PDE1C: variants seen among roughly 807,000 people sequenced by gnomAD.
PDE1C encodes the protein phosphodiesterase 1C, also known as dual specificity calcium/calmodulin-dependent 3',5'-cyclic nucleotide phosphodiesterase 1C.
Under a neutral mutation model 93.1 loss-of-function variants are expected in PDE1C, and 62 were observed. The ratio of observed to expected loss-of-function variants is 0.67; its 90% confidence interval spans 0.54 to 0.82. PDE1C has a LOEUF of 0.82. PDE1C is among the 40% of genes least tolerant of loss of function. The pLI, the probability that PDE1C is intolerant of heterozygous loss-of-function variation, is 0.00. For synonymous variants in PDE1C, 325 were observed against 310.1 expected (o/e 1.05, Z -0.50); for missense variants, 742 against 884.6 (o/e 0.84, Z 2.04).
chr7:32,053,141 C>A (rs969049475), intron 1 of PDE1C, among the ~76,000 whole-genome samples: 1 of 152,098 alleles, frequency 6.6e-6, no homozygotes, highest in Non-Finnish European at 1.5e-5. Context: ...CTTTACAATG[C>A]TGGACTAGTT....
intron 2 of PDE1C, among the ~76,000 whole-genome samples, chr7:32,193,022 C>T (rs1248363108): frequency 6.6e-6 from 1 of 152,112 alleles, no homozygotes; most frequent in East Asian, 1.9e-4. Context: ...CGTGCTAGAA[C>T]TCATTTATTA....
intron 1 of PDE1C, among the ~76,000 whole-genome samples, chr7:32,289,915 G>C (rs1016720715): frequency 3.9e-5 from 6 of 152,212 alleles, no homozygotes; most frequent in Admixed American, 6.5e-5. Flanking sequence ...ATCAATTCCT[G>C]CAATGTGGTT....
chr7:31,850,824 C>T, intron 7 of PDE1C, 83 bp from the exon 8 acceptor site: 2 of 917,578 alleles, frequency 2.2e-6, no homozygotes, highest in South Asian at 1.3e-5. Context: ...CACAGTGCTG[C>T]CTTTCTACCC....
chr7:32,382,636 T>A (rs149982143), intron 1 of PDE1C, among the ~76,000 whole-genome samples: 1 of 152,292 alleles, frequency 6.6e-6, no homozygotes, highest in African/African-American at 2.4e-5. Context: ...CCCCTACCAG[T>A]TCACCTTACC....
At chr7:32,367,411 C>A (rs1355107236) in intron 1 of PDE1C, among the ~76,000 whole-genome samples, 1 of 152,254 alleles carries the variant, frequency 6.6e-6, no homozygotes, top group African/African-American at 2.4e-5. Context: ...TCTCACCTAT[C>A]AATAATAACC....
chr7:31,695,761 T>G, the PDE1C span: 1 of 772,972 alleles, frequency 1.3e-6, no homozygotes, highest in Non-Finnish European at 2.0e-6. Flanking sequence ...TCTGTATTAG[T>G]TACAATATAG....
At chr7:32,305,604 G>A (rs1431236050) in intron 1 of PDE1C, among the ~76,000 whole-genome samples, 1 of 152,148 alleles carries the variant, frequency 6.6e-6, no homozygotes, top group African/African-American at 2.4e-5. Flanking sequence ...TGTTAGGGGA[G>A]CCAGACAAAG....
chr7:32,089,806 A>G (rs1175192812), intron 3 of PDE1C, among the ~76,000 whole-genome samples: 1 of 152,222 alleles, frequency 6.6e-6, no homozygotes, highest in East Asian at 1.9e-4. Flanking sequence ...CAGGGACCCC[A>G]GATAAGAAAC....
At chr7:31,739,493 T>C in the PDE1C span, among the ~76,000 whole-genome samples, 1 of 152,170 alleles carries the variant, frequency 6.6e-6, no homozygotes, top group Non-Finnish European at 1.5e-5. Flanking sequence ...TCGGGCACTA[T>C]GTTATGAGCT....
Position 32,356,282 on chromosome 7 carries a change from T to C in PDE1C, c.310+71540A>G, listed in dbSNP as rs146582948. Among the ~76,000 whole-genome samples, 53 of 152,322 alleles carry C rather than the reference T, an allele frequency of 3.5e-4. 2 individuals are homozygous for C. In the East Asian group the frequency reaches 9.1e-3, roughly 26 times the overall value. ...TGGTTCACTGGCAAAGACCCCACAA[T>C]GTCTTTTTCAGCAACATAGTGTTTC... On this transcript the variant is annotated intron_variant, in intron 1 of 1. Coordinates refer to the PDE1C transcript ENST00000672256.
intron 2 of PDE1C, among the ~76,000 whole-genome samples, chr7:31,896,008 T>TACATACAC (rs1799273717): frequency 6.6e-6 from 1 of 151,456 alleles, no homozygotes; most frequent in Non-Finnish European, 1.5e-5. Flanking sequence ...CATACATACA[T>TACATACAC]ACATACATAC....
In PDE1C at chr7:32,045,006, C is replaced by A. The variant is rs190503087; in HGVS notation, c.128+6548G>T. ...CCCATGCCTAGTTCCCAGGTGAAAG[C>A]CTCTAAATAGCCTTTCTGGGCCTAG... On this transcript the variant is annotated intron_variant, in intron 2 of 17. Transcript: ENST00000396191. 9.2e-5 allele frequency among the ~76,000 whole-genome samples: 14 copies of A among 152,110 alleles called. No individual in the cohort carries two copies. The East Asian group carries it at 2.5e-3, about 27-fold the overall frequency.
intron 2 of PDE1C, among the ~76,000 whole-genome samples, chr7:31,899,132 C>CTTTTTT (rs386409838): frequency 6.0e-4 from 51 of 85,014 alleles, no homozygotes; most frequent in East Asian, 1.5e-3. Context: ...GGCAGTCCCA[C>CTTTTTT]TTTTTTTTTT....
At chr7:31,998,003 AT>A (rs71765000) in intron 2 of PDE1C, among the ~76,000 whole-genome samples, 7,687 of 143,424 alleles carry the variant, frequency 0.054, 350 homozygotes, top group East Asian at 0.28. Flanking sequence ...ATTTTATTTT[AT>A]TTTATTTTTA....
chr7:32,133,738 A>G (rs2128773871), intron 3 of PDE1C, among the ~76,000 whole-genome samples: 2 of 152,306 alleles, frequency 1.3e-5, no homozygotes, highest in Admixed American at 1.3e-4. Context: ...TCTCTGCAAT[A>G]CATTGTTCAT....
At chr7:31,629,255 CAAAG>C in the PDE1C span, among the ~76,000 whole-genome samples, 1 of 147,816 alleles carries the variant, frequency 6.8e-6, no homozygotes, top group Non-Finnish European at 1.5e-5. Flanking sequence ...TCTATGTAGA[CAAAG>C]AAGATATGTG....
intron 3 of PDE1C, among the ~76,000 whole-genome samples, chr7:32,129,555 T>TAATCCCAC (rs1286029041): frequency 8.1e-5 from 10 of 123,708 alleles, no homozygotes; most frequent in African/African-American, 2.7e-4. Context: ...AACCCTCAAG[T>TAATCCCAC]TTCTCTTTGT....
intron 1 of PDE1C, among the ~76,000 whole-genome samples, chr7:32,399,516 C>T (rs928119688): frequency 5.9e-5 from 9 of 151,748 alleles, no homozygotes; most frequent in African/African-American, 1.9e-4. Context: ...AGAGATCTTG[C>T]TCATCCTCGT....
intron 1 of PDE1C, among the ~76,000 whole-genome samples, chr7:32,232,749 T>C (rs952502122): frequency 2.0e-5 from 3 of 152,218 alleles, no homozygotes; most frequent in Non-Finnish European, 2.9e-5. Flanking sequence ...AGCTAATGGA[T>C]AGACGGGTAT....
Sources: allele counts gnomAD v4.1 joint callset (sites outside exome capture counted in the v4.1 genomes callset), GRCh38; gene constraint gnomAD v4.1.1; transcripts MANE v1.5; gene names NCBI Gene and HGNC (gene_info 2026-07-23, HGNC 2026-07-21).